Variants in RNF34 observed in about 807,000 individuals in gnomAD.
RNF34 encodes E3 ubiquitin-protein ligase RNF34.
In RNF34, 12 loss-of-function variants were observed where a neutral mutation model predicts 37.9. The observed-to-expected ratio is 0.32, with a 90% CI of 0.20 to 0.51. The LOEUF (loss-of-function observed/expected upper bound fraction) is 0.51, where lower values mean the gene tolerates loss of function less well. Among genes scored for constraint, RNF34 ranks in the 20% least tolerant of loss-of-function variants. The probability of loss-of-function intolerance (pLI) is 0.97; values close to 1 mark genes in which losing one functional copy is unlikely to be tolerated. For synonymous variants in RNF34, 155 were observed against 177.2 expected, an observed-to-expected ratio of 0.87 and a Z score of 1.00; for missense variants, 362 against 472.7, an observed-to-expected ratio of 0.77 and a Z score of 2.17.
At chr12:121,410,486 G>A (rs1870950091) in intron 1 of RNF34, among the ~76,000 whole-genome samples, 1 of 151,020 alleles carries the variant, frequency 6.6e-6, no homozygotes, top group Non-Finnish European at 1.5e-5. Context: ...GCAGTGAGCC[G>A]AGATTGCGCC....
intron 1 of RNF34, among the ~76,000 whole-genome samples, chr12:121,414,157 A>G (rs1047234898): frequency 2.6e-5 from 4 of 152,192 alleles, no homozygotes; most frequent in African/African-American, 9.6e-5. Flanking sequence ...CCAGCATTTT[A>G]CATGCTATTA....
chr12:121,420,834 C>A, intron 5 of RNF34, 56 bp downstream of exon 5: 1 of 1,382,604 alleles, frequency 7.2e-7, no homozygotes, highest in Non-Finnish European at 1.0e-6. Context: ...CTTTTAAAAA[C>A]TGGGTTGTTT....
chr12:121,416,303 C>G lies in RNF34; in HGVS notation c.151C>G (p.Pro51Ala). The change falls in exon 2 of 6, where the codon CCA becomes GCA. Residue 51 changes from proline (P) to alanine (A), a missense_variant. Physicochemically the swap from Pro to Ala is conservative, Grantham distance 27. Coordinates refer to ENST00000361234, the MANE Select transcript of RNF34 (RefSeq NM_025126.4). ...ACCAAACCCTGAGTTTTCCACCTAC[C>G]CACCAGCAGCTACGGAAGGGCCCAA... ...FTPNPEFSTYPPAATEGPNIV... is the reference protein window; with the variant it reads ...FTPNPEFSTYAPAATEGPNIV... 6.2e-7 allele frequency: 1 copy of G among 1,614,152 alleles called. No homozygotes were observed.
At chr12:121,414,829 C>T (rs1490915627) in intron 1 of RNF34, among the ~76,000 whole-genome samples, 2 of 152,190 alleles carry the variant, frequency 1.3e-5, no homozygotes, top group Non-Finnish European at 2.9e-5. Flanking sequence ...CACGGTGGCT[C>T]ATGCCTGTAA....
At chr12:121,400,499 G>C (rs1220458248) in intron 1 of RNF34, among the ~76,000 whole-genome samples, 2 of 152,216 alleles carry the variant, frequency 1.3e-5, no homozygotes, top group Non-Finnish European at 2.9e-5. Flanking sequence ...TCTCTGCGCC[G>C]GGCCCTGTGC....
chr12:121,409,692 A>T (rs1870864586), intron 1 of RNF34: 1 of 152,228 alleles, frequency 6.6e-6, no homozygotes, highest in African/African-American at 2.4e-5. Context: ...TCCAACATGC[A>T]GCCAAGGCTG....
intron 1 of RNF34, among the ~76,000 whole-genome samples, chr12:121,407,729 CAG>C (rs1479706816): frequency 3.3e-5 from 5 of 152,116 alleles, no homozygotes; most frequent in Non-Finnish European, 7.4e-5. Flanking sequence ...ATAGGGAAGA[CAG>C]AAATGGAACA....
Position 121,417,736 on chromosome 12 carries a change from T to A in RNF34, c.458T>A (p.Leu153Gln), listed in dbSNP as rs1555282439. The part of the protein sequence containing the change: ...LVDLVLCHHG[L>Q]GSEDDMDTSS... ...GATCTAGTACTGTGCCATCATGGAC[T>A]AGGCTCTGAGGACGACATGGACACA... The change falls in exon 3 of 6, where the codon CTA becomes CAA. Residue 153 changes from leucine to glutamine, a missense_variant. By Grantham distance (113) the Leu-to-Gln change is moderately radical. Coordinates refer to ENST00000361234, the MANE Select transcript of RNF34 (RefSeq NM_025126.4). The surrounding 1 kb of genome is among the most constrained non-coding windows in gnomAD (Gnocchi z 5.0). 1 of 1,614,190 alleles carries A rather than the reference T, an allele frequency of 6.2e-7. No individual in the cohort carries two copies. Among genetic ancestry groups the A allele is most frequent in the East Asian group, 2.2e-5 (1 of 44,884 alleles).
chr12:121,420,241 G>A lies in RNF34; in HGVS notation c.634-1G>A, dbSNP rs1216014411. On this transcript the variant is annotated splice_acceptor_variant, in intron 3 of 5. Coordinates refer to ENST00000361234, the MANE Select transcript of RNF34 (RefSeq NM_025126.4). LOFTEE classifies it high-confidence loss of function. ...TAATCAGATACGTTGTATAAGTGTAGGTACAAAGTGAAATCACTTCAGCAA... is the reference window on the plus strand; with the variant it reads ...TAATCAGATACGTTGTATAAGTGTAAGTACAAAGTGAAATCACTTCAGCAA... 1 of 1,608,866 alleles carries A rather than the reference G, an allele frequency of 6.2e-7. No homozygotes were observed. Among genetic ancestry groups the A allele is most frequent in the Non-Finnish European group, 8.5e-7 (1 of 1,176,440 alleles).
At chr12:121,422,882 G>A (rs1555283630) in intron 5 of RNF34, among the ~76,000 whole-genome samples, 3 of 151,764 alleles carry the variant, frequency 2.0e-5, no homozygotes, top group African/African-American at 7.3e-5. Flanking sequence ...AGGCTAGGGA[G>A]GGAAGGATGC....
intron 1 of RNF34, among the ~76,000 whole-genome samples, chr12:121,406,511 T>A (rs1301446411): frequency 6.6e-6 from 1 of 152,150 alleles, no homozygotes; most frequent in Non-Finnish European, 1.5e-5. Flanking sequence ...GGTCTCGAAC[T>A]CCTGAGCTCA....
chr12:121,407,700 T>G (rs1555280852), intron 1 of RNF34, among the ~76,000 whole-genome samples: 1 of 152,166 alleles, frequency 6.6e-6, no homozygotes, highest in African/African-American at 2.4e-5. Context: ...CTAATTTAAC[T>G]GGAGGAAGAT....
At position 121,417,092 on chromosome 12, in the gene RNF34, C is replaced by T. The variant is rs78166997; in HGVS notation, c.226-412C>T. 0.012 allele frequency among the ~76,000 whole-genome samples: 1,888 copies of T among 152,328 alleles called. 46 individuals carry two copies. The highest frequency in any genetic ancestry group is 0.043 in the African/African-American group (1,795 of 41,564). On this transcript the variant is annotated intron_variant, in intron 2 of 5. Transcript: ENST00000361234. This position sits in a 1 kb window ranked among gnomAD's most constrained non-coding sequence, Gnocchi z 5.0. ...TCACCTTGAGAGATCAGTTGCCTTT[C>T]TCTTTCCCTGTCAGTCTGTTATGCT... is the stretch of plus-strand genomic sequence containing the variant.
At chr12:121,408,692 CTGGA>C (rs1870775209) in intron 1 of RNF34, among the ~76,000 whole-genome samples, 1 of 152,160 alleles carries the variant, frequency 6.6e-6, no homozygotes, top group Non-Finnish European at 1.5e-5. Flanking sequence ...GATTTATCTT[CTGGA>C]TGGATTCTTC....
chr12:121,401,354 CAAAAAAAAAA>C (rs563285897), intron 1 of RNF34, among the ~76,000 whole-genome samples: 4 of 76,798 alleles, frequency 5.2e-5, no homozygotes, highest in African/African-American at 1.3e-4. Context: ...CTATAGGTAT[CAAAAAAAAAA>C]AAAAAAAAAA....
intron 1 of RNF34, among the ~76,000 whole-genome samples, chr12:121,403,452 A>G (rs1011882979): frequency 3.6e-4 from 54 of 152,106 alleles, no homozygotes; most frequent in African/African-American, 1.2e-3. Context: ...TTTTTTATCA[A>G]CTGTTTTTTC....
intron 1 of RNF34, among the ~76,000 whole-genome samples, chr12:121,410,581 T>A (rs7132130): frequency 4.1e-4 from 61 of 148,532 alleles, no homozygotes; most frequent in African/African-American, 1.2e-3. Context: ...AAAAAAAAAA[T>A]ACTTCAAATA....
rs200273600 is a variant in RNF34, at chr12:121,423,572, C to T, written c.1115C>T (p.Ser372Phe). The T allele has an allele frequency of 3.7e-6, 6 of 1,612,294 alleles. No homozygotes were observed. The Admixed American group carries it at 8.3e-5, about 22-fold the overall frequency. The change falls in exon 6 of 6, where the codon TCC becomes TTC. Residue 372 changes from serine to phenylalanine, a missense_variant. Ser to Phe is a radical substitution (Grantham distance 155, BLOSUM62 -2). Transcript: ENST00000361234. This position sits in a 1 kb window ranked among gnomAD's most constrained non-coding sequence, Gnocchi z 4.3. ...GTGCGAGCCGTGCACGTGTTCAAGT[C>T]CTGAAACAGGCTCCCCTCACCAGGA... ...YVVRAVHVFK[S>F] is the part of the protein sequence containing the mutation.
In RNF34 at chr12:121,420,599, G is replaced by A. The variant is rs1555283159; in HGVS notation, c.749G>A (p.Arg250Lys). ...CAGAACCCCGGGCTCTCCAAGGAGA[G>A]AGTGAGAGCTTCACTGTCTGACTTG... The part of the protein sequence containing the change: ...EDRNPGLSKE[R>K]VRASLSDLSS... Residue 250 changes from arginine (R) to lysine (K), a missense_variant, in exon 5 of 6, where the codon AGA becomes AAA. Coordinates refer to ENST00000361234, the MANE Select transcript of RNF34 (RefSeq NM_025126.4). The A allele has an allele frequency of 1.9e-6, 3 of 1,614,176 alleles. No homozygotes were observed. Among genetic ancestry groups the A allele is most frequent in the Non-Finnish European group, 2.5e-6 (3 of 1,180,008 alleles).
Sources: gnomAD v4.1 joint callset for allele counts (sites outside exome capture counted in the v4.1 genomes callset) on GRCh38, gnomAD v4.1.1 for gene constraint, Gnocchi (gnomAD v3.1) non-coding constraint, MANE v1.5 for transcripts, NCBI Gene and HGNC (gene_info 2026-07-23, HGNC 2026-07-21) for gene names.